KCNQ3: variants seen among roughly 807,000 people sequenced by gnomAD.
KCNQ3 encodes the protein potassium voltage-gated channel subfamily Q member 3.
A neutral mutation model predicts 92.5 loss-of-function variants in KCNQ3; 30 were observed. That is an observed-to-expected ratio of 0.32 (90% CI 0.24 to 0.44). The LOEUF (loss-of-function observed/expected upper bound fraction) is 0.44. KCNQ3 is among the 20% of genes least tolerant of loss of function. The pLI, the probability that KCNQ3 is intolerant of heterozygous loss-of-function variation, is 1.00. For missense variants in KCNQ3, 913 were observed against 1,140.3 expected, an observed-to-expected ratio of 0.80 and a Z score of 2.87; for synonymous variants, 450 against 468.8, an observed-to-expected ratio of 0.96 and a Z score of 0.52.
chr8:132,188,176 A>G (rs1827060019), intron 1 of KCNQ3, among the ~76,000 whole-genome samples: 1 of 152,194 alleles, frequency 6.6e-6, no homozygotes, highest in Non-Finnish European at 1.5e-5. Flanking sequence ...GATCCCGGTC[A>G]TCTCATCTGG....
chr8:132,393,984 C>T (rs2130774607), intron 1 of KCNQ3, among the ~76,000 whole-genome samples: 1 of 152,286 alleles, frequency 6.6e-6, no homozygotes, highest in East Asian at 1.9e-4. Context: ...TACTGTGTGC[C>T]CTTGCTGTGC....
intron 1 of KCNQ3, chr8:132,187,257 A>C: frequency 2.2e-6 from 1 of 456,056 alleles, no homozygotes; most frequent in South Asian, 1.5e-5. Context: ...GACGTTGCGC[A>C]TACAGAGCTG....
chr8:132,248,998 C>T (rs545737939), intron 1 of KCNQ3, among the ~76,000 whole-genome samples: 4 of 152,168 alleles, frequency 2.6e-5, no homozygotes, highest in Admixed American at 6.5e-5. Context: ...ATGGTGTGTC[C>T]GGAGTTTGTT....
intron 9 of KCNQ3, among the ~76,000 whole-genome samples, chr8:132,148,893 C>G (rs1429724990): frequency 6.6e-6 from 1 of 152,210 alleles, no homozygotes. Flanking sequence ...GGTGTTCCAG[C>G]TTGCGGACAG....
chr8:132,192,481 T>G (rs1827189746), intron 1 of KCNQ3, among the ~76,000 whole-genome samples: 2 of 152,162 alleles, frequency 1.3e-5, no homozygotes, highest in African/African-American at 4.8e-5. Context: ...CTGGGGGTCT[T>G]GACGTGAGAG....
At chr8:132,243,093 G>A (rs1815046293) in intron 1 of KCNQ3, among the ~76,000 whole-genome samples, 1 of 152,142 alleles carries the variant, frequency 6.6e-6, no homozygotes, top group African/African-American at 2.4e-5. Flanking sequence ...CCTTCAGGAT[G>A]GGAAGACAGT....
chr8:132,282,005 C>T (rs1354464532), intron 1 of KCNQ3, among the ~76,000 whole-genome samples: 1 of 152,080 alleles, frequency 6.6e-6, no homozygotes, highest in Non-Finnish European at 1.5e-5. Flanking sequence ...TATCTCACTC[C>T]AACTCCTCCT....
intron 1 of KCNQ3, among the ~76,000 whole-genome samples, chr8:132,226,554 T>C (rs1204498507): frequency 6.6e-6 from 1 of 152,148 alleles, no homozygotes; most frequent in South Asian, 2.1e-4. Context: ...AGAGCCAGAA[T>C]GACATAATAT....
At chr8:132,422,718 T>A (rs1030826756) in intron 1 of KCNQ3, among the ~76,000 whole-genome samples, 7 of 152,222 alleles carry the variant, frequency 4.6e-5, no homozygotes, top group Non-Finnish European at 8.8e-5. Flanking sequence ...AAGCACTTCA[T>A]TTCCAAATCC....
intron 1 of KCNQ3, among the ~76,000 whole-genome samples, chr8:132,206,577 T>G (rs1813665079): frequency 6.6e-6 from 1 of 152,230 alleles, no homozygotes; most frequent in South Asian, 2.1e-4. Context: ...CATTTTATAT[T>G]ATTAAAGCAT....
chr8:132,129,812 GTC>G lies in KCNQ3; in HGVS notation c.2067_2068del (p.Glu689AspfsTer16). On this transcript the variant is annotated frameshift_variant, in exon 15 of 15. Coordinates refer to ENST00000388996, the MANE Select transcript of KCNQ3 (RefSeq NM_004519.4). LOFTEE classifies it high-confidence loss of function. The surrounding 1 kb of genome is among the most constrained non-coding windows in gnomAD (Gnocchi z 5.9). ...GCTGTAGGGTGGTTCCGGGGGGCCT[GTC>G]TCAGAATAGTTGCAGATGATGGTTT... is the stretch of plus-strand genomic sequence containing the variant. 6.2e-7 allele frequency: 1 copy of G among 1,614,182 alleles called. No homozygotes were observed. Among genetic ancestry groups the G allele is most frequent in the Non-Finnish European group, 8.5e-7 (1 of 1,180,022 alleles).
chr8:132,235,768 G>C (rs748184676), intron 1 of KCNQ3, among the ~76,000 whole-genome samples: 1 of 152,160 alleles, frequency 6.6e-6, no homozygotes, highest in African/African-American at 2.4e-5. Context: ...CTTCTGGAGG[G>C]CTGGCTCCTT....
At chr8:132,312,174 G>A (rs1206596717) in intron 1 of KCNQ3, among the ~76,000 whole-genome samples, 1 of 152,184 alleles carries the variant, frequency 6.6e-6, no homozygotes, top group Non-Finnish European at 1.5e-5. Context: ...CCAGAGCTGT[G>A]AGAGAATACA....
chr8:132,230,471 GA>G lies in KCNQ3; in HGVS notation c.387-44291del, dbSNP rs1421413349. ...AGACAGAGAGAGAGAGAGAGAGAGA[GA>G]GAGAGAGAGAAAATCCTTTAACCTC... On this transcript the variant is annotated intron_variant, in intron 1 of 14. Coordinates refer to ENST00000388996, the MANE Select transcript of KCNQ3 (RefSeq NM_004519.4). 3.3e-5 allele frequency among the ~76,000 whole-genome samples: 5 copies of G among 149,764 alleles called. No individual in the cohort carries two copies. In the East Asian group the frequency reaches 9.7e-4, roughly 29 times the overall value.
intron 1 of KCNQ3, among the ~76,000 whole-genome samples, chr8:132,318,405 C>T (rs1817801381): frequency 6.6e-6 from 1 of 152,166 alleles, no homozygotes; most frequent in African/African-American, 2.4e-5. Flanking sequence ...TCTGAAACAG[C>T]TGGGATTCAA....
intron 1 of KCNQ3, among the ~76,000 whole-genome samples, chr8:132,390,621 A>G (rs375400744): frequency 1.2e-3 from 177 of 152,278 alleles, no homozygotes; most frequent in Middle Eastern, 0.01. Context: ...GGAACACTGT[A>G]TAAGAGCAAG....
intron 1 of KCNQ3, among the ~76,000 whole-genome samples, chr8:132,412,397 T>C (rs991762223): frequency 6.6e-6 from 1 of 152,064 alleles, no homozygotes; most frequent in Non-Finnish European, 1.5e-5. Flanking sequence ...GGAAAAGATG[T>C]TCAGGATGGC....
intron 1 of KCNQ3, among the ~76,000 whole-genome samples, chr8:132,269,096 T>C (rs1213507759): frequency 1.3e-5 from 2 of 152,250 alleles, no homozygotes; most frequent in Non-Finnish European, 2.9e-5. Flanking sequence ...TTGTTTGTTT[T>C]CTTTGTATAT....
chr8:132,346,304 T>A (rs1292602564), intron 1 of KCNQ3, among the ~76,000 whole-genome samples: 1 of 152,214 alleles, frequency 6.6e-6, no homozygotes, highest in African/African-American at 2.4e-5. Context: ...CAGATTGGCA[T>A]TTCCACACTG....
Sources: gnomAD v4.1 joint callset for allele counts (sites outside exome capture counted in the v4.1 genomes callset) on GRCh38, gnomAD v4.1.1 for gene constraint, Gnocchi (gnomAD v3.1) non-coding constraint, MANE v1.5 for transcripts, NCBI Gene and HGNC (gene_info 2026-07-23, HGNC 2026-07-21) for gene names.